ANO3: variants seen among roughly 807,000 people sequenced by gnomAD.
ANO3 encodes the protein anoctamin-3.
Under a neutral mutation model 144.8 loss-of-function variants are expected in ANO3, and 99 were observed. The ratio of observed to expected loss-of-function variants is 0.68; its 90% CI spans 0.58 to 0.81. ANO3 has a LOEUF of 0.81. Ranked by LOEUF, ANO3 falls within the 30% of genes least tolerant of loss-of-function variation. The pLI is 0.00. For missense variants in ANO3, 905 were observed against 1,202.2 expected (o/e 0.75, Z 3.66); for synonymous variants, 414 against 392.6 (o/e 1.05, Z -0.64).
intron 13 of ANO3, among the ~76,000 whole-genome samples, chr11:26,557,634 A>G (rs1404900536): frequency 6.6e-6 from 1 of 152,122 alleles, no homozygotes; most frequent in Non-Finnish European, 1.5e-5. Flanking sequence ...AATTTTCTCA[A>G]TATTTCATCT....
chr11:26,286,796 T>C (rs904858729), intron 1 of ANO3, among the ~76,000 whole-genome samples: 1 of 152,158 alleles, frequency 6.6e-6, no homozygotes, highest in East Asian at 1.9e-4. Flanking sequence ...ATCGTTATTG[T>C]TACTGGATGG....
chr11:26,466,325 C>T (rs896100847), intron 4 of ANO3, among the ~76,000 whole-genome samples: 23 of 151,950 alleles, frequency 1.5e-4, no homozygotes, highest in Admixed American at 3.9e-4. Context: ...ATTTCAGAGG[C>T]ATTGTGGTAG....
intron 12 of ANO3, among the ~76,000 whole-genome samples, chr11:26,550,007 A>C (rs1849888950): frequency 6.6e-6 from 1 of 151,788 alleles, no homozygotes; most frequent in Admixed American, 6.6e-5. Flanking sequence ...ACATTGTAAA[A>C]ATTTTTAATC....
intron 8 of ANO3, among the ~76,000 whole-genome samples, chr11:26,533,474 A>G (rs1469252516): frequency 2.6e-5 from 4 of 152,208 alleles, no homozygotes; most frequent in African/African-American, 9.6e-5. Flanking sequence ...TATAAAACTG[A>G]AGACATAAGA....
chr11:26,251,030 T>G (rs1289466399), intron 1 of ANO3, among the ~76,000 whole-genome samples: 1 of 152,160 alleles, frequency 6.6e-6, no homozygotes, highest in Admixed American at 6.6e-5. Context: ...TCTCTTATAC[T>G]GATCAGCATC....
At chr11:26,486,914 C>T (rs1860473806) in intron 4 of ANO3, among the ~76,000 whole-genome samples, 1 of 152,136 alleles carries the variant, frequency 6.6e-6, no homozygotes, top group Non-Finnish European at 1.5e-5. Context: ...ATTAACCAAA[C>T]GTTTGTTGAG....
In ANO3 at chr11:26,332,233, TCTCG is replaced by T; in HGVS notation, c.-42_-39del. Reference sequence around the variant, plus strand: ...TCTGGCTACTGTTCCTCCGCCTCCCTCTCGGGCAGCTCCCTAAGCCGGCTGGGAC... The same window carrying T: ...TCTGGCTACTGTTCCTCCGCCTCCCTGGCAGCTCCCTAAGCCGGCTGGGAC... On this transcript the variant is annotated 5_prime_UTR_variant, in exon 1 of 27. Coordinates refer to ENST00000256737, the MANE Select transcript of ANO3 (RefSeq NM_031418.4). The T allele has an allele frequency of 6.2e-7, 1 of 1,613,920 alleles. No individual in the cohort carries two copies. The highest frequency in any genetic ancestry group is 8.5e-7 in the Non-Finnish European group (1 of 1,179,982).
At chr11:26,620,530 T>A (rs1185481297) in intron 17 of ANO3, among the ~76,000 whole-genome samples, 1 of 152,086 alleles carries the variant, frequency 6.6e-6, no homozygotes, top group East Asian at 1.9e-4. Context: ...CAATTAAAAA[T>A]TTTTAAATTA....
chr11:26,592,225 A>G (rs1181284056), intron 14 of ANO3, among the ~76,000 whole-genome samples: 1 of 152,160 alleles, frequency 6.6e-6, no homozygotes, highest in Non-Finnish European at 1.5e-5. Flanking sequence ...GTAAGGCTAT[A>G]GGCCACAGAG....
At chr11:26,485,185 G>A (rs1860394003) in intron 4 of ANO3, among the ~76,000 whole-genome samples, 2 of 152,112 alleles carry the variant, frequency 1.3e-5, no homozygotes, top group South Asian at 2.1e-4. Context: ...GAAGGACATG[G>A]GATTTGGTAG....
rs140176392 is a variant in ANO3 at position 26,359,144 on chromosome 11, C to A, written c.46+26823C>A. Among the ~76,000 whole-genome samples, 42 of 152,302 alleles carry A rather than the reference C, an allele frequency of 2.8e-4. No homozygotes were observed. In the East Asian group the frequency reaches 7.1e-3, roughly 26 times the overall value. On this transcript the variant is annotated intron_variant, in intron 1 of 26. Coordinates refer to ENST00000256737, the MANE Select transcript of ANO3 (RefSeq NM_031418.4). Reference sequence around the variant, plus strand: ...TGGAAACCAGGCACTAGCAGTTTTACCTTGTAGAATGCTGGAAATTTTTAT... The same window carrying A: ...TGGAAACCAGGCACTAGCAGTTTTAACTTGTAGAATGCTGGAAATTTTTAT...
chr11:26,538,952 T>C (rs1340546368), intron 10 of ANO3, among the ~76,000 whole-genome samples: 2 of 152,048 alleles, frequency 1.3e-5, no homozygotes, highest in African/African-American at 4.8e-5. Flanking sequence ...TTAAGGATAG[T>C]TCACAATTCT....
At chr11:26,650,248 T>A (rs1853486749) in intron 24 of ANO3, among the ~76,000 whole-genome samples, 3 of 151,222 alleles carry the variant, frequency 2.0e-5, no homozygotes, top group Admixed American at 2.0e-4. Context: ...AAGATGACAG[T>A]GGGAGGGGAG....
chr11:26,562,350 A>G (rs1850326885), intron 14 of ANO3, among the ~76,000 whole-genome samples: 1 of 151,930 alleles, frequency 6.6e-6, no homozygotes, highest in African/African-American at 2.4e-5. Flanking sequence ...GTAAGACTTC[A>G]TCAATGGGAC....
In ANO3 at chr11:26,441,965, C is replaced by G. The variant is rs1378334314; in HGVS notation, c.94C>G (p.Pro32Ala). ...SEITKETSLKPSRRSLPCLAQ... is the reference protein window; with the variant it reads ...SEITKETSLKASRRSLPCLAQ... ...GATAACAAAAGAAACTTCGTTAAAA[C>G]CGTCTCGGAGATCCCTGCCTTGCCT... The change falls in exon 2 of 27, where the codon CCG becomes GCG. Residue 32 changes from proline to alanine, a missense_variant. Transcript: ENST00000256737. 5.6e-6 allele frequency: 9 copies of G among 1,613,994 alleles called. No individual in the cohort carries two copies. The East Asian group carries it at 2.0e-4, about 36-fold the overall frequency.
chr11:26,560,971 G>GA (rs1227692857), intron 14 of ANO3: 3 of 1,235,216 alleles, frequency 2.4e-6, no homozygotes, highest in Non-Finnish European at 3.4e-6. Flanking sequence ...AAATCCACGT[G>GA]ACAGTAATTT....
intron 5 of ANO3, among the ~76,000 whole-genome samples, chr11:26,511,273 G>A (rs1412216433): frequency 6.6e-6 from 1 of 152,180 alleles, no homozygotes; most frequent in Non-Finnish European, 1.5e-5. Flanking sequence ...TTCCAGAACA[G>A]ATATTATTAG....
At chr11:26,589,420 T>C in intron 14 of ANO3, among the ~76,000 whole-genome samples, 1 of 152,116 alleles carries the variant, frequency 6.6e-6, no homozygotes. Flanking sequence ...TTTCTTTTTT[T>C]TTTTTTTTAG....
chr11:26,580,802 A>C (rs1440066217), intron 14 of ANO3, among the ~76,000 whole-genome samples: 1 of 152,222 alleles, frequency 6.6e-6, no homozygotes, highest in East Asian at 1.9e-4. Flanking sequence ...CTAACAGACC[A>C]ATGCAAAGAT....
Sources: gnomAD v4.1 joint callset for allele counts (sites outside exome capture counted in the v4.1 genomes callset) on GRCh38, gnomAD v4.1.1 for gene constraint, MANE v1.5 for transcripts, NCBI Gene and HGNC (gene_info 2026-07-23, HGNC 2026-07-21) for gene names.